Variants in PRKN observed in about 807,000 individuals in gnomAD.
The protein encoded by PRKN is E3 ubiquitin-protein ligase parkin.
PRKN carries 56 observed loss-of-function variants against 59.5 expected under a neutral mutation model. The observed-to-expected ratio is 0.94, with a 90% CI of 0.76 to 1.18. The LOEUF is 1.18. Among genes scored for constraint, PRKN ranks in the 50% most tolerant of loss-of-function variants. The probability of loss-of-function intolerance (pLI) is 0.00; values close to 1 mark genes in which losing one functional copy is unlikely to be tolerated. For synonymous variants in PRKN, 250 were observed against 222.1 expected, an observed-to-expected ratio of 1.13 and a Z score of -1.12; for missense variants, 657 against 596.4, an observed-to-expected ratio of 1.10 and a Z score of -1.06.
At chr6:161,384,259 T>C (rs2114936757) in intron 10 of PRKN, among the ~76,000 whole-genome samples, 1 of 152,288 alleles carries the variant, frequency 6.6e-6, no homozygotes, top group South Asian at 2.1e-4. Flanking sequence ...GTTGAATGAA[T>C]GAAATAATGT....
intron 3 of PRKN, among the ~76,000 whole-genome samples, chr6:162,237,280 T>C (rs1778776338): frequency 6.6e-6 from 1 of 152,110 alleles, no homozygotes; most frequent in South Asian, 2.1e-4. Flanking sequence ...ATGAAAGAAA[T>C]TTATGCAAAC....
chr6:162,232,971 A>C (rs1249444912), intron 3 of PRKN, among the ~76,000 whole-genome samples: 1 of 152,208 alleles, frequency 6.6e-6, no homozygotes, highest in Non-Finnish European at 1.5e-5. Flanking sequence ...TAAAAGAGGA[A>C]ATACACACCA....
intron 1 of PRKN, among the ~76,000 whole-genome samples, chr6:162,706,943 C>T (rs1428431361): frequency 6.6e-6 from 1 of 152,004 alleles, no homozygotes; most frequent in Non-Finnish European, 1.5e-5. Context: ...TGTTTGGCTA[C>T]CACAAAAAGT....
At chr6:161,933,412 C>A (rs567609298) in intron 6 of PRKN, among the ~76,000 whole-genome samples, 28 of 152,234 alleles carry the variant, frequency 1.8e-4, no homozygotes, top group African/African-American at 6.5e-4. Flanking sequence ...AGAAAAATGA[C>A]AACCTTGAAC....
At chr6:161,876,305 T>C (rs1043775334) in intron 6 of PRKN, among the ~76,000 whole-genome samples, 3 of 152,164 alleles carry the variant, frequency 2.0e-5, no homozygotes, top group Admixed American at 2.0e-4. Flanking sequence ...AATAATTTTT[T>C]ACTCATCGTT....
At chr6:161,993,118 T>C (rs1239498352) in intron 5 of PRKN, among the ~76,000 whole-genome samples, 1 of 151,726 alleles carries the variant, frequency 6.6e-6, no homozygotes, top group Non-Finnish European at 1.5e-5. Flanking sequence ...AGAGTGGAAC[T>C]AAATGAGATA....
chr6:162,516,954 A>G (rs940454636), intron 1 of PRKN, among the ~76,000 whole-genome samples: 1 of 152,090 alleles, frequency 6.6e-6, no homozygotes, highest in Admixed American at 6.6e-5. Context: ...GTGACTATCT[A>G]AAAAGTGAGG....
chr6:162,524,712 C>G (rs1562355613), intron 1 of PRKN, among the ~76,000 whole-genome samples: 1 of 152,148 alleles, frequency 6.6e-6, no homozygotes, highest in African/African-American at 2.4e-5. Context: ...GGAAGACTAA[C>G]TAGTTTGAGG....
In PRKN at chr6:161,378,099, T is replaced by C. The variant is rs921517663; in HGVS notation, c.1167+8695A>G. ...TCTTTAAGGGCAGGGACAGAGAAAATCTGGAAGACTGAGGACAGGTAAGAC... is the reference window on the plus strand; with the variant it reads ...TCTTTAAGGGCAGGGACAGAGAAAACCTGGAAGACTGAGGACAGGTAAGAC... On this transcript the variant is annotated intron_variant, in intron 10 of 11. Coordinates refer to ENST00000366898, the MANE Select transcript of PRKN (RefSeq NM_004562.3). The surrounding 1 kb of genome is among the most constrained non-coding windows in gnomAD (Gnocchi z 7.3). 6.6e-6 allele frequency among the ~76,000 whole-genome samples: 1 copy of C among 151,930 alleles called. No homozygotes were observed.
chr6:162,373,916 C>A (rs1012325172), intron 2 of PRKN, among the ~76,000 whole-genome samples: 1 of 152,072 alleles, frequency 6.6e-6, no homozygotes. Context: ...AAATGATGTA[C>A]AGAAAATGGA....
At chr6:162,645,116 A>G (rs1057377653) in intron 1 of PRKN, among the ~76,000 whole-genome samples, 1 of 152,126 alleles carries the variant, frequency 6.6e-6, no homozygotes, top group African/African-American at 2.4e-5. Context: ...ATATTATAAC[A>G]TTGTCCATAT....
At chr6:162,488,035 T>G (rs1954799) in intron 1 of PRKN, among the ~76,000 whole-genome samples, 10,282 of 67,346 alleles carry the variant, frequency 0.15, 1,114 homozygotes, top group African/African-American at 0.36. Flanking sequence ...CCCTTTTTTT[T>G]TTTTTTTTTT....
intron 5 of PRKN, among the ~76,000 whole-genome samples, chr6:161,976,409 G>C (rs1781034048): frequency 6.6e-6 from 1 of 152,206 alleles, no homozygotes; most frequent in East Asian, 1.9e-4. Flanking sequence ...GAGTGGACAG[G>C]ATGTCCAGTG....
At chr6:161,926,467 C>T (rs1778974554) in intron 6 of PRKN, among the ~76,000 whole-genome samples, 1 of 152,090 alleles carries the variant, frequency 6.6e-6, no homozygotes, top group Admixed American at 6.5e-5. Context: ...TCTCTTCAGC[C>T]CTGGAGCACT....
chr6:162,358,684 G>C (rs1237742340), intron 2 of PRKN, among the ~76,000 whole-genome samples: 1 of 152,062 alleles, frequency 6.6e-6, no homozygotes, highest in East Asian at 1.9e-4. Context: ...TAAATCTAGA[G>C]TGCAGCATAT....
chr6:162,651,084 T>C (rs1778411133), intron 1 of PRKN, among the ~76,000 whole-genome samples: 1 of 152,200 alleles, frequency 6.6e-6, no homozygotes, highest in South Asian at 2.1e-4. Context: ...TATTATCCTG[T>C]GAGGGTTAGT....
rs796115694 is a variant in PRKN at position 161,538,775 on chromosome 6, A to G, written c.1083+10079T>C. Among the ~76,000 whole-genome samples, 33 of 152,320 alleles carry G rather than the reference A, an allele frequency of 2.2e-4. No individual in the cohort carries two copies. The highest frequency in any genetic ancestry group is 7.5e-4 in the African/African-American group (31 of 41,562). On this transcript the variant is annotated intron_variant, in intron 9 of 11. Coordinates refer to ENST00000366898, the MANE Select transcript of PRKN (RefSeq NM_004562.3). The surrounding 1 kb of genome is among the most constrained non-coding windows in gnomAD (Gnocchi z 4.2). ...CCCAAGAAAAGCCCTATTACCTCCC[A>G]GGAGCTTGTAGAGAGATTTGATTGA... is the stretch of plus-strand genomic sequence containing the variant.
chr6:162,360,300 G>A (rs1785079922), intron 2 of PRKN, among the ~76,000 whole-genome samples: 1 of 152,094 alleles, frequency 6.6e-6, no homozygotes, highest in African/African-American at 2.4e-5. Flanking sequence ...GCAGTAAGGT[G>A]TTCTTCAACA....
intron 1 of PRKN, among the ~76,000 whole-genome samples, chr6:162,724,052 G>A (rs1160850403): frequency 1.3e-5 from 2 of 152,172 alleles, no homozygotes; most frequent in African/African-American, 2.4e-5. Context: ...AATATCTGCT[G>A]TTACTCAAAT....
Sources: allele counts gnomAD v4.1 joint callset (sites outside exome capture counted in the v4.1 genomes callset), GRCh38; gene constraint gnomAD v4.1.1; non-coding constraint Gnocchi (gnomAD v3.1); transcripts MANE v1.5; gene names NCBI Gene and HGNC (gene_info 2026-07-23, HGNC 2026-07-21).